OR10W1: variants seen among roughly 807,000 people sequenced by gnomAD.
OR10W1 encodes olfactory receptor 10W1.
For missense variants in OR10W1, 406 were observed against 365.8 expected, an observed-to-expected ratio of 1.11 and a Z score of -0.90; for synonymous variants, 152 against 151.6, an observed-to-expected ratio of 1.00 and a Z score of -0.02.
rs140655867 is a variant in OR10W1 at position 58,266,991 on chromosome 11, C to T, written c.868G>A (p.Gly290Arg). Reference protein sequence around the residue: ...IYALRNSEMKGAVGRVLTRNC... With the variant: ...IYALRNSEMKRAVGRVLTRNC... ...CTGGTAAGAACTCTCCCTACGGCCCCTTTCATCTCACTGTTCCTCAGGGCA... is the reference window on the plus strand; with the variant it reads ...CTGGTAAGAACTCTCCCTACGGCCCTTTTCATCTCACTGTTCCTCAGGGCA... Residue 290 changes from glycine (G) to arginine (R), a missense_variant, in exon 1 of 1, where the codon GGG becomes AGG. Physicochemically the swap from Gly to Arg is moderately radical, Grantham distance 125. Transcript: ENST00000395079. 1.7e-3 allele frequency: 2,689 copies of T among 1,599,178 alleles called. 2 individuals are homozygous for T. Among genetic ancestry groups the T allele is most frequent in the Non-Finnish European group, 2.2e-3 (2,595 of 1,170,710 alleles).
rs147183068 is a variant in OR10W1, at chr11:58,266,934, G to A, written c.*7C>T. 313 of 1,524,256 alleles carry A rather than the reference G, an allele frequency of 2.1e-4. 1 individual carries two copies. The African/African-American group carries it at 2.7e-3, about 13-fold the overall frequency. 94.4% of individuals were successfully genotyped at this position (1,524,256 alleles called of 1,614,324 possible). Reference sequence around the variant, plus strand: ...TACTTGCCTGATAGGCTGTCCCCTCGTCTTTCCTAGCTGTTCTGGGAAAGG... The same window carrying A: ...TACTTGCCTGATAGGCTGTCCCCTCATCTTTCCTAGCTGTTCTGGGAAAGG... On this transcript the variant is annotated 3_prime_UTR_variant, in exon 1 of 1. Transcript: ENST00000395079.
In OR10W1 at chr11:58,267,598, G is replaced by A. The variant is rs756401457; in HGVS notation, c.261C>T (p.Gly87=). ...LQSEKTITLL[G]CATQMAFFIA... is the part of the protein sequence containing the mutation. ...TGAAGAAAGCCATCTGGGTGGCACA[G>A]CCCAGGAGAGTGATGGTCTTCTCTG... The change falls in exon 1 of 1, where the codon GGC becomes GGT. Residue 87 remains glycine (G), a synonymous_variant. Coordinates refer to ENST00000395079, the MANE Select transcript of OR10W1 (RefSeq NM_207374.3). The A allele has an allele frequency of 6.2e-7, 1 of 1,614,158 alleles. No individual in the cohort carries two copies. Among genetic ancestry groups the A allele is most frequent in the African/African-American group, 1.3e-5 (1 of 75,062 alleles).
chr11:58,267,745 C>T lies in OR10W1; in HGVS notation c.114G>A (p.Val38=). The change falls in exon 1 of 1, where the codon GTG becomes GTA. Residue 38 remains valine (V), a synonymous_variant. Coordinates refer to ENST00000395079, the MANE Select transcript of OR10W1 (RefSeq NM_207374.3). ...ATAGACAGGTTTCTGTGTGAATGGA[C>T]ACCACAATGAGAATGTTCCCAGTGA... ...LIITGNILIV[V]SIHTETCLCT... 2 of 1,614,064 alleles carry T rather than the reference C, an allele frequency of 1.2e-6. No homozygotes were observed. The highest frequency in any genetic ancestry group is 8.5e-7 in the Non-Finnish European group (1 of 1,179,928).
Position 58,267,021 on chromosome 11 carries a change from T to C in OR10W1, c.838A>G (p.Ile280Val), listed in dbSNP as rs1853549589. ...TLGTPLLNPL[I>V]YALRNSEMKG... ...ATCTCACTGTTCCTCAGGGCATAGA[T>C]AAGTGGGTTGAGCAGTGGGGTTCCC... The change falls in exon 1 of 1, where the codon ATC becomes GTC. Residue 280 changes from isoleucine to valine, a missense_variant. By Grantham distance (29) the Ile-to-Val change is conservative. Coordinates refer to ENST00000395079, the MANE Select transcript of OR10W1 (RefSeq NM_207374.3). 1 of 1,613,054 alleles carries C rather than the reference T, an allele frequency of 6.2e-7. No individual in the cohort carries two copies. The highest frequency in any genetic ancestry group is 1.3e-5 in the African/African-American group (1 of 74,886).
Position 58,267,084 on chromosome 11 carries a change from G to A in OR10W1, c.775C>T (p.Pro259Ser). The A allele has an allele frequency of 6.2e-7, 1 of 1,614,140 alleles. No homozygotes were observed. The change falls in exon 1 of 1, where the codon CCC (proline) becomes TCC (serine). Residue 259 changes from proline to serine, a missense_variant. By Grantham distance (74) the Pro-to-Ser change is moderately conservative. Transcript: ENST00000395079. ...MYLCPSSSYN[P>S]KQDRFISLVY... is the part of the protein sequence containing the mutation. ...AGTGAGATGAACCGATCTTGCTTGG[G>A]GTTGTAGCTGGAGCTGGGGCACAGG...
rs532572497 is a variant in OR10W1 at position 58,267,747 on chromosome 11, C to A, written c.112G>T (p.Val38Leu). The part of the protein sequence containing the change: ...LIITGNILIV[V>L]SIHTETCLCT... ...AGACAGGTTTCTGTGTGAATGGACA[C>A]CACAATGAGAATGTTCCCAGTGATG... Residue 38 changes from valine (V) to leucine (L), a missense_variant, in exon 1 of 1, where the codon GTG (valine) becomes TTG (leucine). By Grantham distance (32) the Val-to-Leu change is conservative. Coordinates refer to ENST00000395079, the MANE Select transcript of OR10W1 (RefSeq NM_207374.3). The A allele has an allele frequency of 1.9e-6, 3 of 1,614,038 alleles. No homozygotes were observed. Among genetic ancestry groups the A allele is most frequent in the African/African-American group, 2.7e-5 (2 of 75,014 alleles).
chr11:58,267,342 G>A lies in OR10W1; in HGVS notation c.517C>T (p.Pro173Ser). 1 of 1,613,976 alleles carries A rather than the reference G, an allele frequency of 6.2e-7. No homozygotes were observed. Among genetic ancestry groups the A allele is most frequent in the African/African-American group, 1.3e-5 (1 of 75,046 alleles). Reference protein sequence around the residue: ...QGIEHFFCDVPPVMHVVCAQS... With the variant: ...QGIEHFFCDVSPVMHVVCAQS... ...GCACAAACAACATGCATGACTGGTG[G>A]CACATCACAAAAGAAGTGCTCAATG... Residue 173 changes from proline (P) to serine (S), a missense_variant, in exon 1 of 1, where the codon CCA becomes TCA. Transcript: ENST00000395079.
chr11:58,267,667 G>A lies in OR10W1; in HGVS notation c.192C>T (p.Tyr64=), dbSNP rs1853561730. The part of the protein sequence containing the change: ...LGSLSGIEIC[Y]TAVVVPHILA... ...GGATATGGGGCACCACCACTGCAGT[G>A]TAGCATATTTCAATCCCAGAAAGGC... Residue 64 remains tyrosine, a synonymous_variant, in exon 1 of 1, where the codon TAC becomes TAT. Coordinates refer to ENST00000395079, the MANE Select transcript of OR10W1 (RefSeq NM_207374.3). 1.2e-6 allele frequency: 2 copies of A among 1,614,054 alleles called. No homozygotes were observed. The highest frequency in any genetic ancestry group is 1.7e-6 in the Non-Finnish European group (2 of 1,180,014).
At position 58,267,852 on chromosome 11, in the gene OR10W1, A is replaced by C. The variant is rs1461725996; in HGVS notation, c.7T>G (p.Phe3Val). Residue 3 changes from phenylalanine (F) to valine (V), a missense_variant, in exon 1 of 1, where the codon TTT (phenylalanine) becomes GTT (valine). Transcript: ENST00000395079. ...CAGGAGGGATAGGCCAGGAACACAA[A>C]TTCCATCAACACTGAGTGATTTTCC... ME[F>V]VFLAYPSCPE... 1 of 1,611,980 alleles carries C rather than the reference A, an allele frequency of 6.2e-7. No individual in the cohort carries two copies. Among genetic ancestry groups the C allele is most frequent in the Admixed American group, 1.7e-5 (1 of 59,982 alleles).
Position 58,268,172 on chromosome 11 carries a change from A to C in OR10W1, c.-314T>G, listed in dbSNP as rs890232521. On this transcript the variant is annotated 5_prime_UTR_variant, in exon 1 of 1. Coordinates refer to ENST00000395079, the MANE Select transcript of OR10W1 (RefSeq NM_207374.3). ...GGTGGGATTCAGGAGCTATTTTCAG[A>C]AAGAGTGGAATGAAAATTCAATTCT... is the stretch of plus-strand genomic sequence containing the variant. The C allele has an allele frequency of 1.7e-5, 5 of 298,296 alleles. No homozygotes were observed. The highest frequency in any genetic ancestry group is 3.3e-5 in the Non-Finnish European group (5 of 149,732). 18.5% of individuals were successfully genotyped at this position (298,296 alleles called of 1,614,324 possible).
Position 58,268,051 on chromosome 11 carries a change from G to T in OR10W1, c.-193C>A. 1.7e-6 allele frequency: 1 copy of T among 577,026 alleles called. No individual in the cohort carries two copies. The highest frequency in any genetic ancestry group is 2.5e-5 in the South Asian group (1 of 39,888). The allele number at this position is 577,026 out of a possible 1,614,324, so 35.7% of individuals were successfully genotyped here. A position where few individuals can be genotyped will look rare whatever the true frequency, so the allele number is the denominator to read the frequency against. ...TTTTTCTTTTCTCCACTTTTACCAAGTTTCTCCACATTAATATCTACACCT... is the reference window on the plus strand; with the variant it reads ...TTTTTCTTTTCTCCACTTTTACCAATTTTCTCCACATTAATATCTACACCT... On this transcript the variant is annotated 5_prime_UTR_variant, in exon 1 of 1. Transcript: ENST00000395079.
rs770598242 is a variant in OR10W1 at position 58,267,872 on chromosome 11, T to C, written c.-14A>G. 1.1e-5 allele frequency: 17 copies of C among 1,593,392 alleles called. No individual in the cohort carries two copies. The Admixed American group carries it at 2.7e-4, about 25-fold the overall frequency. ...CACAAATTCCATCAACACTGAGTGA[T>C]TTTCCCAGGTAATTGAGCTAACAGT... is the stretch of plus-strand genomic sequence containing the variant. On this transcript the variant is annotated 5_prime_UTR_variant, in exon 1 of 1. Transcript: ENST00000395079.
Position 58,267,501 on chromosome 11 carries a change from G to A in OR10W1, c.358C>T (p.Pro120Ser). The change falls in exon 1 of 1, where the codon CCG becomes TCG. Residue 120 changes from proline (P) to serine (S), a missense_variant. Pro to Ser is a moderately conservative substitution (Grantham distance 74, BLOSUM62 -1). Coordinates refer to ENST00000395079, the MANE Select transcript of OR10W1 (RefSeq NM_207374.3). ...AYDRYVAICHPLQYPLLMTLT... is the reference protein window; with the variant it reads ...AYDRYVAICHSLQYPLLMTLT... The stretch of plus-strand genomic sequence containing the variant: ...GTCATGAGGAGAGGGTACTGCAACG[G>A]GTGGCAAATGGCCACATAGCGGTCA... The A allele has an allele frequency of 6.2e-7, 1 of 1,614,122 alleles. No individual in the cohort carries two copies. The highest frequency in any genetic ancestry group is 2.2e-5 in the East Asian group (1 of 44,848).
rs746704648 is a variant in OR10W1, at chr11:58,267,242, G to A, written c.617C>T (p.Thr206Ile). 1 of 1,614,220 alleles carries A rather than the reference G, an allele frequency of 6.2e-7. No homozygotes were observed. Among genetic ancestry groups the A allele is most frequent in the African/African-American group, 1.3e-5 (1 of 75,052 alleles). Residue 206 changes from threonine to isoleucine, a missense_variant, in exon 1 of 1, where the codon ACC becomes ATC. Physicochemically the swap from Thr to Ile is moderately conservative, Grantham distance 89. Transcript: ENST00000395079. ...AGCCACTATGAAGGTGTAGGAGGTG[G>A]TGATGAGGAAGAAAGGCACAGCAAT... ...LAIAVPFFLITTSYTFIVAAL... is the reference protein window; with the variant it reads ...LAIAVPFFLIITSYTFIVAAL...
In OR10W1 at chr11:58,266,960, C is replaced by A. The variant is rs1440652964; in HGVS notation, c.899G>T (p.Cys300Phe). The A allele has an allele frequency of 5.1e-6, 8 of 1,554,808 alleles. No homozygotes were observed. The Admixed American group carries it at 1.3e-4, about 26-fold the overall frequency. The part of the protein sequence containing the change: ...GAVGRVLTRN[C>F]LSQNS ...TCTTTCCTAGCTGTTCTGGGAAAGG[C>A]AGTTCCTGGTAAGAACTCTCCCTAC... The change falls in exon 1 of 1, where the codon TGC becomes TTC. Residue 300 changes from cysteine to phenylalanine, a missense_variant. Cys to Phe is a radical substitution (Grantham distance 205, BLOSUM62 -2). Coordinates refer to ENST00000395079, the MANE Select transcript of OR10W1 (RefSeq NM_207374.3).
rs1444845260 is a variant in OR10W1, at chr11:58,267,895, A to G, written c.-37T>C. 1.4e-6 allele frequency: 2 copies of G among 1,480,204 alleles called. No homozygotes were observed. The highest frequency in any genetic ancestry group is 2.3e-5 in the East Asian group (1 of 44,124). 91.7% of individuals were successfully genotyped at this position (1,480,204 alleles called of 1,614,324 possible). A position where few individuals can be genotyped will look rare whatever the true frequency, so the allele number is the denominator to read the frequency against. On this transcript the variant is annotated 5_prime_UTR_variant, in exon 1 of 1. Transcript: ENST00000395079. ...GATTTTCCCAGGTAATTGAGCTAACAGTATTTCTCTGTGGAGAGCTACAAG... is the reference window on the plus strand; with the variant it reads ...GATTTTCCCAGGTAATTGAGCTAACGGTATTTCTCTGTGGAGAGCTACAAG...
chr11:58,267,451 A>G lies in OR10W1; in HGVS notation c.408T>C (p.Val136=). 6.2e-7 allele frequency: 1 copy of G among 1,613,978 alleles called. No homozygotes were observed. Among genetic ancestry groups the G allele is most frequent in the African/African-American group, 1.3e-5 (1 of 75,074 alleles). The change falls in exon 1 of 1, where the codon GTT becomes GTC. Residue 136 remains valine, a synonymous_variant. Coordinates refer to ENST00000395079, the MANE Select transcript of OR10W1 (RefSeq NM_207374.3). ...ACAGACCACTGATGACTGATGCCAC[A>G]ACCAAGTGGACACAAAGAGTCAATG... ...LMTLTLCVHL[V]VASVISGLFL...
chr11:58,266,885 C>T lies in OR10W1; in HGVS notation c.*56G>A, dbSNP rs1853547472. 7.4e-7 allele frequency: 1 copy of T among 1,347,718 alleles called. No individual in the cohort carries two copies. The highest frequency in any genetic ancestry group is 1.5e-5 in the African/African-American group (1 of 68,420). The allele number at this position is 1,347,718 out of a possible 1,614,324, so 83.5% of individuals were successfully genotyped here. On this transcript the variant is annotated 3_prime_UTR_variant, in exon 1 of 1. Transcript: ENST00000395079. ...AAATGATAGAAATCTCAGTTTCATA[C>T]AGATTTGGTGGGCTGGAACCAAATA...
rs1853560812 is a variant in OR10W1 at position 58,267,611 on chromosome 11, A to G, written c.248T>C (p.Ile83Thr). Residue 83 changes from isoleucine (I) to threonine (T), a missense_variant, in exon 1 of 1, where the codon ATC becomes ACC. Ile to Thr is a moderately conservative substitution (Grantham distance 89). Transcript: ENST00000395079. ...CTGGGTGGCACAGCCCAGGAGAGTGATGGTCTTCTCTGACTGTAGGGTGTT... is the reference window on the plus strand; with the variant it reads ...CTGGGTGGCACAGCCCAGGAGAGTGGTGGTCTTCTCTGACTGTAGGGTGTT... ...LANTLQSEKT[I>T]TLLGCATQMA... 6.2e-7 allele frequency: 1 copy of G among 1,614,188 alleles called. No homozygotes were observed.
Sources: allele counts gnomAD v4.1 joint callset, GRCh38; gene constraint gnomAD v4.1.1; transcripts MANE v1.5; gene names NCBI Gene and HGNC (gene_info 2026-07-23, HGNC 2026-07-21).